Variants in CCDC102B observed in about 807,000 individuals in gnomAD.
The protein encoded by CCDC102B is coiled-coil domain-containing protein 102B.
CCDC102B carries 75 observed loss-of-function variants against 57.4 expected under a neutral mutation model. The observed-to-expected ratio is 1.31, with a 90% confidence interval of 1.08 to 1.58. CCDC102B has a LOEUF of 1.58. Among genes scored for constraint, CCDC102B ranks in the 40% most tolerant of loss-of-function variants. CCDC102B has a pLI of 0.00. For missense variants in CCDC102B, 636 were observed against 582.6 expected (o/e 1.09, Z -0.94); for synonymous variants, 206 against 201.9 (o/e 1.02, Z -0.17).
At chr18:68,961,362 A>T (rs1275058462) in intron 6 of CCDC102B, among the ~76,000 whole-genome samples, 1 of 152,016 alleles carries the variant, frequency 6.6e-6, no homozygotes, top group Non-Finnish European at 1.5e-5. Flanking sequence ...GAATAAAAAA[A>T]TTTGATTTTA....
chr18:68,954,191 G>A (rs982448047), intron 6 of CCDC102B, among the ~76,000 whole-genome samples: 7 of 152,176 alleles, frequency 4.6e-5, no homozygotes, highest in African/African-American at 1.2e-4. Context: ...AGGCCAAGGC[G>A]GGCGGATCAC....
intron 2 of CCDC102B, among the ~76,000 whole-genome samples, chr18:68,767,769 TG>T: frequency 6.6e-6 from 1 of 152,302 alleles, no homozygotes; most frequent in Non-Finnish European, 1.5e-5. Flanking sequence ...TCAAGATTTA[TG>T]TTAAATATAT....
At position 69,054,138 on chromosome 18, in the gene CCDC102B, T is replaced by C. The variant is rs1440675947; in HGVS notation, c.*1T>C. 1.9e-6 allele frequency: 3 copies of C among 1,591,466 alleles called. No homozygotes were observed. The highest frequency in any genetic ancestry group is 1.4e-5 in the African/African-American group (1 of 73,478). On this transcript the variant is annotated 3_prime_UTR_variant, in exon 8 of 8. Transcript: ENST00000360242. ...ACTCAGGCACTTGCAAAACTGGTAA[T>C]TTTTTCACAAAATATGCTGAATTAA...
intron 7 of CCDC102B, among the ~76,000 whole-genome samples, chr18:69,016,195 G>T (rs1226313059): frequency 2.0e-5 from 3 of 151,974 alleles, no homozygotes; most frequent in African/African-American, 7.2e-5. Flanking sequence ...CATAGCACAG[G>T]TTCATGTATA....
intron 6 of CCDC102B, among the ~76,000 whole-genome samples, chr18:68,932,842 C>T (rs10503134): frequency 0.26 from 38,872 of 151,582 alleles, 6,552 homozygotes; most frequent in Non-Finnish European, 0.37. Flanking sequence ...ACTTTATTGA[C>T]GACTGATACA....
At chr18:68,726,846 T>C (rs973312754) in intron 2 of CCDC102B, among the ~76,000 whole-genome samples, 2 of 152,164 alleles carry the variant, frequency 1.3e-5, no homozygotes, top group African/African-American at 4.8e-5. Flanking sequence ...TGAATCTGAT[T>C]GGGGATCTGA....
At chr18:68,996,645 A>T (rs907414021) in intron 6 of CCDC102B, among the ~76,000 whole-genome samples, 3 of 152,198 alleles carry the variant, frequency 2.0e-5, no homozygotes, top group African/African-American at 7.2e-5. Flanking sequence ...CATTTGGAAC[A>T]GCTGTATTTA....
At chr18:68,838,204 CTATTTAGATGTGA>C (rs2037469994) in intron 2 of CCDC102B, among the ~76,000 whole-genome samples, 1 of 152,076 alleles carries the variant, frequency 6.6e-6, no homozygotes, top group Admixed American at 6.6e-5. Context: ...CCATTAAATT[CTATTTAGATGTGA>C]CTCATGAATT....
chr18:68,862,427 A>G lies in CCDC102B; in HGVS notation c.937-12242A>G, dbSNP rs571470133. Among the ~76,000 whole-genome samples the G allele has an allele frequency of 6.6e-5, 10 of 152,278 alleles. No individual in the cohort carries two copies. The South Asian group carries it at 1.2e-3, about 19-fold the overall frequency. ...AAAATGGCAGTACTGATTTAAAAAAACCATTTGAATCATTTATAATAGACA... is the reference window on the plus strand; with the variant it reads ...AAAATGGCAGTACTGATTTAAAAAAGCCATTTGAATCATTTATAATAGACA... On this transcript the variant is annotated intron_variant, in intron 4 of 7. Coordinates refer to ENST00000360242, the MANE Select transcript of CCDC102B (RefSeq NM_024781.3).
At chr18:68,736,834 G>A (rs73456108) in intron 2 of CCDC102B, among the ~76,000 whole-genome samples, 25,555 of 151,938 alleles carry the variant, frequency 0.17, 2,658 homozygotes, top group African/African-American at 0.29. Flanking sequence ...ATACAATTCA[G>A]TTTGAGATTT....
At chr18:69,028,113 C>T (rs2052041433) in intron 7 of CCDC102B, among the ~76,000 whole-genome samples, 1 of 152,104 alleles carries the variant, frequency 6.6e-6, no homozygotes, top group Non-Finnish European at 1.5e-5. Context: ...TGAAATTATC[C>T]TGAAGTGGGT....
intron 7 of CCDC102B, among the ~76,000 whole-genome samples, chr18:69,047,870 A>G (rs893956645): frequency 2.0e-5 from 3 of 152,162 alleles, no homozygotes; most frequent in South Asian, 2.1e-4. Flanking sequence ...ACACTGCTCA[A>G]ATAAATCAGA....
intron 6 of CCDC102B, among the ~76,000 whole-genome samples, chr18:68,962,260 T>C (rs569560633): frequency 6.6e-6 from 1 of 152,244 alleles, no homozygotes; most frequent in Admixed American, 6.5e-5. Flanking sequence ...TTGGATTTAG[T>C]TCTGCACTCT....
chr18:68,930,846 G>A (rs958542658), intron 6 of CCDC102B, among the ~76,000 whole-genome samples: 2 of 151,836 alleles, frequency 1.3e-5, no homozygotes, highest in Non-Finnish European at 2.9e-5. Context: ...AAAGTAAACA[G>A]GAATAAGGTG....
At chr18:68,975,233 C>CT (rs2050404053) in intron 6 of CCDC102B, among the ~76,000 whole-genome samples, 2 of 151,946 alleles carry the variant, frequency 1.3e-5, no homozygotes, top group African/African-American at 4.8e-5. Flanking sequence ...TTTCCATGCC[C>CT]TTTTTTGCCT....
At chr18:68,791,666 C>A (rs543122805) in intron 2 of CCDC102B, among the ~76,000 whole-genome samples, 1 of 151,610 alleles carries the variant, frequency 6.6e-6, no homozygotes, top group African/African-American at 2.4e-5. Flanking sequence ...TTTTAAAGCA[C>A]CTAATGTTTT....
intron 1 of CCDC102B, among the ~76,000 whole-genome samples, chr18:68,799,056 G>A (rs1022953294): frequency 1.3e-5 from 2 of 151,896 alleles, no homozygotes; most frequent in African/African-American, 4.8e-5. Context: ...TAATGTGAAT[G>A]TGTTTTTGCT....
intron 2 of CCDC102B, among the ~76,000 whole-genome samples, chr18:68,725,192 G>A (rs984703346): frequency 6.6e-6 from 1 of 152,032 alleles, no homozygotes; most frequent in African/African-American, 2.4e-5. Flanking sequence ...TGACATATGG[G>A]GATTATAATT....
chr18:68,943,211 GTC>G lies in CCDC102B; in HGVS notation c.1263+45785_1263+45786del, dbSNP rs2049436800. 2.0e-5 allele frequency among the ~76,000 whole-genome samples: 3 copies of G among 151,952 alleles called. No individual in the cohort carries two copies. The South Asian group carries it at 6.2e-4, about 32-fold the overall frequency. On this transcript the variant is annotated intron_variant, in intron 6 of 7. Transcript: ENST00000360242. ...TTCTTTCTACATAGACACAGTAACAGTCTGATCTCTCTTTTCCCCACAAAAGA... is the reference window on the plus strand; with the variant it reads ...TTCTTTCTACATAGACACAGTAACAGTGATCTCTCTTTTCCCCACAAAAGA...
Sources: allele counts gnomAD v4.1 joint callset (sites outside exome capture counted in the v4.1 genomes callset), GRCh38; gene constraint gnomAD v4.1.1; transcripts MANE v1.5; gene names NCBI Gene and HGNC (gene_info 2026-07-23, HGNC 2026-07-21).